The following EPHA6 variants were observed in gnomAD, a reference collection of about 807,000 sequenced individuals.
The protein encoded by EPHA6 is ephrin type-A receptor 6.
Under a neutral mutation model 112.0 loss-of-function variants are expected in EPHA6, and 50 were observed. The ratio of observed to expected loss-of-function variants is 0.45; its 90% CI spans 0.36 to 0.56. The LOEUF is 0.56. EPHA6 is among the 20% of genes least tolerant of loss of function. The probability of loss-of-function intolerance (pLI) is 0.00; values close to 1 mark genes in which losing one functional copy is unlikely to be tolerated. For missense variants in EPHA6, 1,280 were observed against 1,417.4 expected (o/e 0.90, Z 1.56); for synonymous variants, 529 against 490.7 (o/e 1.08, Z -1.03).
intron 16 of EPHA6, 80 bp downstream of exon 16, chr3:97,736,198 A>G (rs891750873): frequency 1.8e-5 from 21 of 1,187,476 alleles, no homozygotes; most frequent in Non-Finnish European, 2.4e-5. Context: ...AACAGGTAGA[A>G]AGGAAAAAAA....
At chr3:97,063,123 A>G (rs1274637420) in intron 3 of EPHA6, among the ~76,000 whole-genome samples, 1 of 152,152 alleles carries the variant, frequency 6.6e-6, no homozygotes, top group Non-Finnish European at 1.5e-5. Flanking sequence ...TAGCTCAACC[A>G]TTGTGGAAGA....
At chr3:97,310,874 G>A (rs901011767) in intron 5 of EPHA6, among the ~76,000 whole-genome samples, 6 of 151,648 alleles carry the variant, frequency 4.0e-5, no homozygotes, top group Non-Finnish European at 1.5e-5. Flanking sequence ...TCATTTGTAT[G>A]GTACAATGAA....
chr3:97,131,202 T>G (rs2048327876), intron 3 of EPHA6, among the ~76,000 whole-genome samples: 1 of 152,102 alleles, frequency 6.6e-6, no homozygotes, highest in African/African-American at 2.4e-5. Flanking sequence ...TACAGAAGTC[T>G]ACATTATATG....
At chr3:97,262,055 T>C (rs1418023870) in intron 5 of EPHA6, among the ~76,000 whole-genome samples, 1 of 152,176 alleles carries the variant, frequency 6.6e-6, no homozygotes, top group Non-Finnish European at 1.5e-5. Context: ...CTTGCTTCTC[T>C]ACTTAATGCT....
chr3:97,197,932 T>C (rs2077482189), intron 3 of EPHA6, among the ~76,000 whole-genome samples: 1 of 152,074 alleles, frequency 6.6e-6, no homozygotes, highest in African/African-American at 2.4e-5. Flanking sequence ...ATCTCCTGCA[T>C]TGCTTTCTAC....
At chr3:97,450,491 G>T (rs564958305) in intron 7 of EPHA6, among the ~76,000 whole-genome samples, 1 of 152,122 alleles carries the variant, frequency 6.6e-6, no homozygotes, top group East Asian at 1.9e-4. Flanking sequence ...AACTCATAGA[G>T]CTACATCTAA....
intron 2 of EPHA6, among the ~76,000 whole-genome samples, chr3:96,901,345 A>G (rs1243101256): frequency 2.6e-5 from 4 of 152,138 alleles, no homozygotes; most frequent in African/African-American, 7.2e-5. Context: ...GGGACTATAC[A>G]TGTATGTATA....
chr3:97,392,438 G>T (rs2086462783), intron 5 of EPHA6, among the ~76,000 whole-genome samples: 1 of 151,530 alleles, frequency 6.6e-6, no homozygotes, highest in African/African-American at 2.4e-5. Context: ...GTGTGTGTGT[G>T]TGTATATTTA....
intron 14 of EPHA6, among the ~76,000 whole-genome samples, chr3:97,668,327 A>G (rs80277760): frequency 6.6e-6 from 1 of 152,266 alleles, no homozygotes; most frequent in African/African-American, 2.4e-5. Context: ...ATCCTCAAAC[A>G]TCTTGCCTGA....
At chr3:96,852,936 G>T (rs1333081262) in intron 1 of EPHA6, among the ~76,000 whole-genome samples, 2 of 152,020 alleles carry the variant, frequency 1.3e-5, no homozygotes, top group African/African-American at 2.4e-5. Context: ...AAGGTGACTA[G>T]GATATAACTG....
At chr3:97,498,908 A>T (rs1267129762) in intron 10 of EPHA6, among the ~76,000 whole-genome samples, 3 of 152,198 alleles carry the variant, frequency 2.0e-5, no homozygotes, top group Admixed American at 2.0e-4. Context: ...TGCTCATGCC[A>T]AAAAGGTTGG....
rs375953684 is a variant in EPHA6 at position 97,597,920 on chromosome 3, A to G, written c.2512+5183A>G. Among the ~76,000 whole-genome samples, 272 of 152,326 alleles carry G rather than the reference A, an allele frequency of 1.8e-3. 1 individual carries two copies. Among genetic ancestry groups the G allele is most frequent in the African/African-American group, 6.0e-3 (250 of 41,586 alleles). On this transcript the variant is annotated intron_variant, in intron 12 of 17. Transcript: ENST00000389672. Reference sequence around the variant, plus strand: ...ATATAGAGGACTGTAGAAAAGTAGTAATGCAAATATATAAGACTAGGTGGC... The same window carrying G: ...ATATAGAGGACTGTAGAAAAGTAGTGATGCAAATATATAAGACTAGGTGGC...
chr3:97,423,647 A>T (rs1187722635), intron 6 of EPHA6, among the ~76,000 whole-genome samples: 1 of 152,114 alleles, frequency 6.6e-6, no homozygotes, highest in Non-Finnish European at 1.5e-5. Flanking sequence ...ATTAGAAAAA[A>T]CCTTTCTAAA....
At chr3:97,555,990 A>G (rs2093103366) in intron 11 of EPHA6, among the ~76,000 whole-genome samples, 1 of 151,762 alleles carries the variant, frequency 6.6e-6, no homozygotes, top group South Asian at 2.1e-4. Flanking sequence ...TAGGTCCCAA[A>G]CCACCTCCTT....
intron 10 of EPHA6, among the ~76,000 whole-genome samples, chr3:97,488,713 G>A (rs2091760276): frequency 6.6e-6 from 1 of 152,040 alleles, no homozygotes; most frequent in African/African-American, 2.4e-5. Context: ...TCTATATTTA[G>A]ATGAGATGAC....
intron 5 of EPHA6, among the ~76,000 whole-genome samples, chr3:97,307,339 A>C (rs1042194714): frequency 6.6e-6 from 1 of 151,784 alleles, no homozygotes; most frequent in African/African-American, 2.4e-5. Flanking sequence ...TCTCACCACT[A>C]GTAAGTGGCC....
At chr3:97,427,285 C>T (rs574177804) in intron 6 of EPHA6, among the ~76,000 whole-genome samples, 1 of 152,256 alleles carries the variant, frequency 6.6e-6, no homozygotes, top group East Asian at 1.9e-4. Flanking sequence ...GTCATAGAAT[C>T]AATCTAAATG....
intron 5 of EPHA6, among the ~76,000 whole-genome samples, chr3:97,354,029 C>T (rs2083941928): frequency 6.6e-6 from 1 of 152,214 alleles, no homozygotes; most frequent in Non-Finnish European, 1.5e-5. Flanking sequence ...AGACCAACAA[C>T]ACAATGCCTC....
chr3:97,535,007 C>T (rs1577691456), intron 11 of EPHA6, among the ~76,000 whole-genome samples: 1 of 151,716 alleles, frequency 6.6e-6, no homozygotes, highest in East Asian at 1.9e-4. Context: ...TTATGCCTTT[C>T]TCCTTATATG....
Sources: gnomAD v4.1 joint callset for allele counts (sites outside exome capture counted in the v4.1 genomes callset) on GRCh38, gnomAD v4.1.1 for gene constraint, MANE v1.5 for transcripts, NCBI Gene and HGNC (gene_info 2026-07-23, HGNC 2026-07-21) for gene names.